Variants in LUC7L3 observed in about 807,000 individuals in gnomAD.
The protein encoded by LUC7L3 is LUC7 like 3 pre-mRNA splicing factor, also known as luc7-like protein 3.
A neutral mutation model predicts 66.8 loss-of-function variants in LUC7L3; 6 were observed. The ratio of observed to expected loss-of-function variants is 0.09; its 90% CI spans 0.05 to 0.18. The LOEUF is 0.18. LUC7L3 is among the 10% of genes least tolerant of loss of function. LUC7L3 has a pLI of 1.00. For synonymous variants in LUC7L3, 160 were observed against 174.7 expected, an observed-to-expected ratio of 0.92 and a Z score of 0.66; for missense variants, 341 against 531.1, an observed-to-expected ratio of 0.64 and a Z score of 3.52.
intron 4 of LUC7L3, among the ~76,000 whole-genome samples, 175 bp from the exon 5 acceptor site, chr17:50,741,482 A>G (rs1311133891): frequency 1.3e-5 from 2 of 152,204 alleles, no homozygotes; most frequent in Non-Finnish European, 2.9e-5. Flanking sequence ...TTTCCCTTAA[A>G]TAGTAGTAAC....
chr17:50,754,129 T>C lies in LUC7L3; in HGVS notation c.*3468T>C, dbSNP rs1040420796. 2.0e-5 allele frequency: 3 copies of C among 152,192 alleles called. No homozygotes were observed. The highest frequency in any genetic ancestry group is 2.1e-4 in the South Asian group (1 of 4,824). 9.4% of individuals were successfully genotyped at this position (152,192 alleles called of 1,614,324 possible). A position where few individuals can be genotyped will look rare whatever the true frequency, so the allele number is the denominator to read the frequency against. On this transcript the variant is annotated 3_prime_UTR_variant, in exon 10 of 10. Coordinates refer to ENST00000505658, the MANE Select transcript of LUC7L3 (RefSeq NM_016424.5). ...TTCTGCCATGCAGACCAAAAAGTTA[T>C]TAGTTGGTGAATATGTATTTTCTCT...
At chr17:50,725,378 C>A (rs1013003629) in intron 1 of LUC7L3, among the ~76,000 whole-genome samples, 1 of 152,134 alleles carries the variant, frequency 6.6e-6, no homozygotes, top group Non-Finnish European at 1.5e-5. Context: ...CCACTGCATT[C>A]CAGCCTGCGT....
chr17:50,724,257 G>A, intron 1 of LUC7L3: 1 of 185,098 alleles, frequency 5.4e-6, no homozygotes, highest in Non-Finnish European at 1.2e-5. Context: ...GGCATGGTGG[G>A]TCACCTGTAA....
At chr17:50,740,271 A>G (rs1970267551) in intron 2 of LUC7L3, 35 bp from the exon 3 acceptor site, 1 of 1,509,608 alleles carries the variant, frequency 6.6e-7, no homozygotes, top group Non-Finnish European at 9.0e-7. Flanking sequence ...GCTAATAATC[A>G]CAGATAATTT....
At chr17:50,747,826 CTT>C (rs1265931073) in intron 9 of LUC7L3, among the ~76,000 whole-genome samples, 1 of 152,184 alleles carries the variant, frequency 6.6e-6, no homozygotes, top group Non-Finnish European at 1.5e-5. Flanking sequence ...GTGTTGAAAA[CTT>C]TTGTCTTCCT....
chr17:50,720,093 C>T (rs924859893), intron 1 of LUC7L3, among the ~76,000 whole-genome samples: 3 of 152,188 alleles, frequency 2.0e-5, no homozygotes, highest in African/African-American at 7.2e-5. Flanking sequence ...CGGGGAAACG[C>T]GGGAAAGAAG....
intron 4 of LUC7L3, 45 bp downstream of exon 4, chr17:50,741,291 G>T (rs764892672): frequency 6.3e-7 from 1 of 1,580,580 alleles, no homozygotes; most frequent in Non-Finnish European, 8.6e-7. Context: ...CTTGTTTTCT[G>T]GAGATTCAGA....
chr17:50,720,846 G>A (rs1968700580), intron 1 of LUC7L3, among the ~76,000 whole-genome samples: 1 of 152,172 alleles, frequency 6.6e-6, no homozygotes, highest in Admixed American at 6.5e-5. Flanking sequence ...AAGCAAGTTG[G>A]TGCTAGATGA....
chr17:50,744,639 T>C lies in LUC7L3; in HGVS notation c.532-13T>C. ...CCTCAGATGTTCTTAAAATAACTGA[T>C]TTATCATTTTAGACAATTGAAAGCT... On this transcript the variant is annotated splice_polypyrimidine_tract_variant and intron_variant, in intron 6 of 9. Coordinates refer to ENST00000505658, the MANE Select transcript of LUC7L3 (RefSeq NM_016424.5). 1.9e-6 allele frequency: 3 copies of C among 1,602,688 alleles called. No individual in the cohort carries two copies. The South Asian group carries it at 3.4e-5, about 18-fold the overall frequency.
chr17:50,741,270 T>C, intron 4 of LUC7L3, 24 bp downstream of exon 4: 1 of 1,608,252 alleles, frequency 6.2e-7, no homozygotes, highest in Non-Finnish European at 8.5e-7. Context: ...ATTCAGTCTT[T>C]GTAAACGGTC....
At chr17:50,735,286 G>A (rs1008410909) in intron 1 of LUC7L3, among the ~76,000 whole-genome samples, 7 of 150,622 alleles carry the variant, frequency 4.6e-5, no homozygotes, top group African/African-American at 1.7e-4. Context: ...GTTTAAACAT[G>A]AATATTTAGA....
At chr17:50,748,575 C>T (rs1970819471) in intron 9 of LUC7L3, among the ~76,000 whole-genome samples, 1 of 151,758 alleles carries the variant, frequency 6.6e-6, no homozygotes, top group African/African-American at 2.4e-5. Flanking sequence ...CCTCCTGCCT[C>T]AGTCTCCTAA....
chr17:50,750,988 CA>C lies in LUC7L3; in HGVS notation c.*328del. On this transcript the variant is annotated 3_prime_UTR_variant, in exon 10 of 10. Transcript: ENST00000505658. ...ATCCTTTTTTTAGGGATTTTGATGT[CA>C]TTTCTTTTTTTTTTTTAATAAAAAG... is the stretch of plus-strand genomic sequence containing the variant. 2.2e-6 allele frequency: 3 copies of C among 1,370,028 alleles called. No individual in the cohort carries two copies. The highest frequency in any genetic ancestry group is 1.6e-5 in the South Asian group (1 of 63,448). The allele number at this position is 1,370,028 out of a possible 1,614,324, so 84.9% of individuals were successfully genotyped here.
intron 5 of LUC7L3, among the ~76,000 whole-genome samples, chr17:50,743,419 T>A (rs1412490086): frequency 6.6e-6 from 1 of 152,068 alleles, no homozygotes; most frequent in Non-Finnish European, 1.5e-5. Flanking sequence ...TTGGCCAGGC[T>A]GGTCTTGAAT....
chr17:50,730,980 T>G (rs555944485), intron 1 of LUC7L3, among the ~76,000 whole-genome samples: 1 of 152,268 alleles, frequency 6.6e-6, no homozygotes, highest in South Asian at 2.1e-4. Flanking sequence ...ATTGAACACT[T>G]GTCACTAGTG....
chr17:50,754,189 A>G lies in LUC7L3; in HGVS notation c.*3528A>G, dbSNP rs993287049. 1 of 152,162 alleles carries G rather than the reference A, an allele frequency of 6.6e-6. No homozygotes were observed. 9.4% of individuals were successfully genotyped at this position (152,162 alleles called of 1,614,324 possible). A position where few individuals can be genotyped will look rare whatever the true frequency, so the allele number is the denominator to read the frequency against. On this transcript the variant is annotated 3_prime_UTR_variant, in exon 10 of 10. Coordinates refer to ENST00000505658, the MANE Select transcript of LUC7L3 (RefSeq NM_016424.5). ...CTTTAAGGGGAGCAAACCAGTTTTAATCAATCAGATTGCTTGGTAAGTTTG... is the reference window on the plus strand; with the variant it reads ...CTTTAAGGGGAGCAAACCAGTTTTAGTCAATCAGATTGCTTGGTAAGTTTG...
At chr17:50,737,214 G>A (rs1185795721) in intron 2 of LUC7L3, 188 bp downstream of exon 2, 16 of 644,530 alleles carry the variant, frequency 2.5e-5, no homozygotes, top group Non-Finnish European at 3.6e-5. Flanking sequence ...TAAACATGGT[G>A]GCTTAATTAA....
intron 1 of LUC7L3, among the ~76,000 whole-genome samples, chr17:50,720,693 C>G (rs1164636174): frequency 2.0e-5 from 3 of 152,220 alleles, no homozygotes; most frequent in Admixed American, 2.0e-4. Context: ...AGGTTATAAT[C>G]TAACATGCTA....
chr17:50,746,146 A>G lies in LUC7L3; in HGVS notation c.977+143A>G, dbSNP rs894576384. On this transcript the variant is annotated intron_variant, in intron 8 of 9. Coordinates refer to ENST00000505658, the MANE Select transcript of LUC7L3 (RefSeq NM_016424.5). ...TAGGATGGGTTGCGAGAGCGGAATC[A>G]GTGAATAAAATAGTTCCATCTTCGG... The G allele has an allele frequency of 1.6e-5, 21 of 1,306,792 alleles. No individual in the cohort carries two copies. The African/African-American group carries it at 2.9e-4, about 18-fold the overall frequency. The allele number at this position is 1,306,792 out of a possible 1,614,324, so 80.9% of individuals were successfully genotyped here.
Sources: gnomAD v4.1 joint callset for allele counts (sites outside exome capture counted in the v4.1 genomes callset) on GRCh38, gnomAD v4.1.1 for gene constraint, MANE v1.5 for transcripts, NCBI Gene and HGNC (gene_info 2026-07-23, HGNC 2026-07-21) for gene names.